Variants in LRP1B observed in about 807,000 individuals in gnomAD.
LRP1B encodes the protein low-density lipoprotein receptor-related protein 1B.
In LRP1B, 217 loss-of-function variants were observed where a neutral mutation model predicts 556.6. That is an observed-to-expected ratio of 0.39 (90% CI 0.35 to 0.44). LRP1B has a LOEUF of 0.44. LRP1B is among the 20% of genes least tolerant of loss of function. The pLI is 1.00. For synonymous variants in LRP1B, 2,047 were observed against 1,865.8 expected, an observed-to-expected ratio of 1.10 and a Z score of -2.50; for missense variants, 5,053 against 5,620.8, an observed-to-expected ratio of 0.90 and a Z score of 3.23.
intron 7 of LRP1B, chr2:141,167,238 C>A (rs1300127920): frequency 2.0e-5 from 3 of 151,798 alleles, no homozygotes; most frequent in African/African-American, 7.2e-5. Context: ...ACATAAAATG[C>A]AATTTTAATA....
At chr2:141,405,245 G>GTTAAAAAA (rs1690593761) in intron 3 of LRP1B, among the ~76,000 whole-genome samples, 1 of 152,054 alleles carries the variant, frequency 6.6e-6, no homozygotes, top group East Asian at 1.9e-4. Flanking sequence ...CAAAATGATT[G>GTTAAAAAA]CTTTCAGAAT....
At chr2:141,723,249 T>C (rs1488312640) in intron 2 of LRP1B, among the ~76,000 whole-genome samples, 1 of 147,312 alleles carries the variant, frequency 6.8e-6, no homozygotes, top group Non-Finnish European at 1.5e-5. Context: ...GGCTTTCTCA[T>C]ATTGTTTCTT....
chr2:141,672,319 T>A (rs1382203653), intron 2 of LRP1B, among the ~76,000 whole-genome samples: 1 of 152,020 alleles, frequency 6.6e-6, no homozygotes, highest in Non-Finnish European at 1.5e-5. Flanking sequence ...CATTTTTGAT[T>A]TAGTGGGAGA....
intron 7 of LRP1B, among the ~76,000 whole-genome samples, chr2:141,177,277 G>A (rs562021710): frequency 1.3e-5 from 2 of 152,150 alleles, no homozygotes; most frequent in African/African-American, 4.8e-5. Context: ...CTAATTTTAG[G>A]TAGAAAAAAA....
intron 3 of LRP1B, among the ~76,000 whole-genome samples, chr2:141,476,449 C>T (rs1682707560): frequency 6.6e-6 from 1 of 152,000 alleles, no homozygotes; most frequent in East Asian, 1.9e-4. Context: ...GTGATATTAC[C>T]ACCAATATGA....
At chr2:140,488,639 A>G (rs928453039) in intron 57 of LRP1B, among the ~76,000 whole-genome samples, 8 of 152,032 alleles carry the variant, frequency 5.3e-5, no homozygotes, top group African/African-American at 1.7e-4. Flanking sequence ...TTATACATTT[A>G]CTACCTTAAG....
intron 1 of LRP1B, among the ~76,000 whole-genome samples, chr2:141,828,004 A>T (rs1305716648): frequency 6.6e-6 from 1 of 151,992 alleles, no homozygotes; most frequent in African/African-American, 2.4e-5. Context: ...GCAGTGCAAC[A>T]TTATATAGCC....
At chr2:140,896,516 C>T (rs1157743500) in intron 23 of LRP1B, among the ~76,000 whole-genome samples, 2 of 152,246 alleles carry the variant, frequency 1.3e-5, no homozygotes, top group East Asian at 3.9e-4. Flanking sequence ...AATAGTTTTT[C>T]AAATGCTCAG....
chr2:141,881,707 A>T (rs935689951), intron 1 of LRP1B, among the ~76,000 whole-genome samples: 3 of 152,054 alleles, frequency 2.0e-5, no homozygotes, highest in African/African-American at 7.2e-5. Flanking sequence ...CTACCTTTGA[A>T]ATCCCCATAT....
intron 32 of LRP1B, among the ~76,000 whole-genome samples, chr2:140,791,674 G>A (rs11684411): frequency 0.42 from 64,211 of 151,876 alleles, 15,183 homozygotes; most frequent in East Asian, 0.57. Flanking sequence ...GGGCCAGAAG[G>A]AGCCATAATA....
At chr2:141,000,269 T>C (rs1305752426) in intron 15 of LRP1B, among the ~76,000 whole-genome samples, 1 of 152,016 alleles carries the variant, frequency 6.6e-6, no homozygotes, top group Non-Finnish European at 1.5e-5. Flanking sequence ...TATCTCTGTG[T>C]GTCCTCTCCC....
At chr2:140,775,989 T>G in intron 33 of LRP1B, 109 bp downstream of exon 33, 3 of 975,956 alleles carry the variant, frequency 3.1e-6, no homozygotes, top group Non-Finnish European at 4.5e-6. Flanking sequence ...TTTCTCTGTT[T>G]TTATTAGAAG....
intron 2 of LRP1B, among the ~76,000 whole-genome samples, chr2:141,560,557 C>T (rs1156863345): frequency 7.1e-6 from 1 of 140,390 alleles, no homozygotes; most frequent in Non-Finnish European, 1.6e-5. Context: ...GAATTTAGGC[C>T]TAAGTCTAGA....
chr2:141,643,811 G>C (rs1558775750), intron 2 of LRP1B, among the ~76,000 whole-genome samples: 2 of 152,126 alleles, frequency 1.3e-5, no homozygotes, highest in Non-Finnish European at 2.9e-5. Flanking sequence ...TACTAGTCAT[G>C]TGACATTGGG....
At chr2:141,049,618 A>G (rs571960905) in intron 10 of LRP1B, among the ~76,000 whole-genome samples, 2 of 152,198 alleles carry the variant, frequency 1.3e-5, no homozygotes, top group South Asian at 2.1e-4. Context: ...ATATTTGACA[A>G]TGCTAAAAAC....
intron 2 of LRP1B, among the ~76,000 whole-genome samples, chr2:141,753,282 A>ATATATATATATATATATATATATC (rs1393990033): frequency 7.3e-6 from 1 of 136,062 alleles, no homozygotes; most frequent in East Asian, 2.1e-4. Flanking sequence ...ATATATATAT[A>ATATATATATATATATATATATATC]TCCCAGATGA....
At chr2:142,098,586 GAATA>G (rs535991714) in intron 1 of LRP1B, among the ~76,000 whole-genome samples, 18 of 151,664 alleles carry the variant, frequency 1.2e-4, no homozygotes, top group African/African-American at 4.3e-4. Context: ...ACAAAATATA[GAATA>G]AATAAAATCT....
intron 2 of LRP1B, among the ~76,000 whole-genome samples, chr2:141,507,540 C>G (rs78242237): frequency 1.3e-5 from 2 of 152,006 alleles, no homozygotes; most frequent in Non-Finnish European, 2.9e-5. Context: ...TATGCAGTCA[C>G]GCAGTAAAGC....
At chr2:140,312,402 A>T (rs1052627964) in intron 83 of LRP1B, among the ~76,000 whole-genome samples, 1 of 152,004 alleles carries the variant, frequency 6.6e-6, no homozygotes, top group Non-Finnish European at 1.5e-5. Context: ...TGATATAAAC[A>T]TTAAAAGACT....
Sources: gnomAD v4.1 joint callset for allele counts (sites outside exome capture counted in the v4.1 genomes callset) on GRCh38, gnomAD v4.1.1 for gene constraint, MANE v1.5 for transcripts, NCBI Gene and HGNC (gene_info 2026-07-23, HGNC 2026-07-21) for gene names.